GDAP1: variants seen among roughly 807,000 people sequenced by gnomAD.
The protein encoded by GDAP1 is ganglioside induced differentiation associated protein 1.
Under a neutral mutation model 40.1 loss-of-function variants are expected in GDAP1, and 34 were observed. The observed-to-expected ratio is 0.85, with a 90% CI of 0.64 to 1.13. The LOEUF (loss-of-function observed/expected upper bound fraction) is 1.13, where lower values mean the gene tolerates loss of function less well. GDAP1 is among the 50% of genes most tolerant of loss of function. The pLI is 0.00. For missense variants in GDAP1, 374 were observed against 433.7 expected, an observed-to-expected ratio of 0.86 and a Z score of 1.22; for synonymous variants, 170 against 157.4, an observed-to-expected ratio of 1.08 and a Z score of -0.60.
At chr8:74,362,784 C>CTTTTTTTTTT (rs1284434868) in intron 4 of GDAP1, among the ~76,000 whole-genome samples, 155 bp from the exon 5 acceptor site, 41 of 60,436 alleles carry the variant, frequency 6.8e-4, no homozygotes, top group East Asian at 1.3e-3. Context: ...CTCTCTCTCT[C>CTTTTTTTTTT]TTTTTTTTTT....
chr8:74,383,184 G>T (rs1277182305), intron 2 of GDAP1, among the ~76,000 whole-genome samples: 2 of 152,172 alleles, frequency 1.3e-5, no homozygotes, highest in Non-Finnish European at 2.9e-5. Flanking sequence ...TCCAAATTCA[G>T]ATCGACCTTT....
intron 2 of GDAP1, among the ~76,000 whole-genome samples, chr8:74,403,264 C>G (rs575136072): frequency 4.0e-5 from 6 of 150,130 alleles, no homozygotes; most frequent in Non-Finnish European, 8.8e-5. Flanking sequence ...GTATTGGAGT[C>G]TCCATCCTAC....
chr8:74,483,402 C>T (rs544351403), intron 2 of GDAP1, among the ~76,000 whole-genome samples: 2 of 151,800 alleles, frequency 1.3e-5, no homozygotes, highest in South Asian at 2.1e-4. Flanking sequence ...TGGCAAGAAC[C>T]GCTATTACTT....
At chr8:74,444,485 C>G (rs939893943) in intron 2 of GDAP1, among the ~76,000 whole-genome samples, 1 of 152,040 alleles carries the variant, frequency 6.6e-6, no homozygotes, top group African/African-American at 2.4e-5. Flanking sequence ...GAACCAATAC[C>G]AACAGCTGTG....
intron 2 of GDAP1, among the ~76,000 whole-genome samples, chr8:74,358,634 T>A (rs1424181439): frequency 2.0e-5 from 3 of 152,208 alleles, no homozygotes; most frequent in Non-Finnish European, 4.4e-5. Context: ...TACTGTACAC[T>A]TGAGAGAGAA....
chr8:74,389,489 T>C (rs1218744590), intron 2 of GDAP1, among the ~76,000 whole-genome samples: 2 of 152,058 alleles, frequency 1.3e-5, no homozygotes, highest in Non-Finnish European at 2.9e-5. Flanking sequence ...TCTTTAGGAG[T>C]GTTGAATATT....
At chr8:74,351,612 A>C in intron 2 of GDAP1, 146 bp downstream of exon 2, 2 of 755,594 alleles carry the variant, frequency 2.6e-6, no homozygotes, top group Admixed American at 3.6e-5. Flanking sequence ...TTCCATAAGC[A>C]CACAAATATC....
intron 2 of GDAP1, among the ~76,000 whole-genome samples, chr8:74,426,443 C>T (rs769063616): frequency 1.1e-4 from 17 of 152,228 alleles, no homozygotes; most frequent in South Asian, 6.2e-4. Context: ...GGATCCAGTC[C>T]GGGATACAAC....
At chr8:74,483,624 A>G (rs1021572998) in intron 2 of GDAP1, among the ~76,000 whole-genome samples, 1 of 152,176 alleles carries the variant, frequency 6.6e-6, no homozygotes, top group Non-Finnish European at 1.5e-5. Flanking sequence ...AAGAAACTCC[A>G]TACTCTCAGA....
At chr8:74,436,714 G>A (rs1285907084) in intron 2 of GDAP1, among the ~76,000 whole-genome samples, 1 of 152,048 alleles carries the variant, frequency 6.6e-6, no homozygotes, top group South Asian at 2.1e-4. Flanking sequence ...GAGCCACTGC[G>A]CCCGGCCACC....
intron 2 of GDAP1, among the ~76,000 whole-genome samples, chr8:74,464,337 G>A (rs538126450): frequency 6.6e-6 from 1 of 152,298 alleles, no homozygotes; most frequent in East Asian, 1.9e-4. Context: ...TAGCATTATA[G>A]CAGAGGGATC....
intron 2 of GDAP1, among the ~76,000 whole-genome samples, chr8:74,414,288 C>T (rs1431333563): frequency 6.7e-6 from 1 of 150,092 alleles, no homozygotes; most frequent in Non-Finnish European, 1.5e-5. Flanking sequence ...CAAGAAATCA[C>T]ATGGGAAAAT....
In GDAP1 at chr8:74,365,773, A is replaced by G. The variant is rs1021180702; in HGVS notation, c.*1406A>G. ...TTGTATTAGAAAACCTTGATGAACT[A>G]TATGTTCCCGATTTACAAAAAAATT... On this transcript the variant is annotated 3_prime_UTR_variant, in exon 6 of 6. Transcript: ENST00000220822. 8.8e-6 allele frequency: 4 copies of G among 454,158 alleles called. No individual in the cohort carries two copies. The highest frequency in any genetic ancestry group is 6.8e-4 in the Middle Eastern group (1 of 1,466). The allele number at this position is 454,158 out of a possible 1,614,324, so 28.1% of individuals were successfully genotyped here. A position where few individuals can be genotyped will look rare whatever the true frequency, so the allele number is the denominator to read the frequency against.
chr8:74,432,000 A>G (rs556896752), intron 2 of GDAP1, among the ~76,000 whole-genome samples: 11 of 152,214 alleles, frequency 7.2e-5, no homozygotes, highest in Non-Finnish European at 1.5e-4. Flanking sequence ...TATTTGGAGC[A>G]CATTTTGTCA....
intron 2 of GDAP1, among the ~76,000 whole-genome samples, chr8:74,423,828 C>T (rs139752154): frequency 6.6e-6 from 1 of 152,180 alleles, no homozygotes; most frequent in Non-Finnish European, 1.5e-5. Flanking sequence ...CCCTCCCCTC[C>T]TGAGAGAGGA....
At chr8:74,361,750 G>A (rs1809375383) in intron 3 of GDAP1, 134 bp from the exon 4 acceptor site, 5 of 691,130 alleles carry the variant, frequency 7.2e-6, no homozygotes, top group African/African-American at 1.8e-5. Context: ...CATAGACAGG[G>A]TAAGCCCAAG....
At chr8:74,392,250 G>T (rs1408008087) in intron 2 of GDAP1, among the ~76,000 whole-genome samples, 1 of 152,136 alleles carries the variant, frequency 6.6e-6, no homozygotes, top group Non-Finnish European at 1.5e-5. Flanking sequence ...TGAGGATTTA[G>T]ATTAAATGAT....
In GDAP1 at chr8:74,472,599, G is replaced by GT. The variant is rs539918052; in HGVS notation, c.166-16070dup. ...TTTCTCTGCAACCTCACCAGCATCT[G>GT]TTTTTTTTTGACTTTTTAATAATAG... On this transcript the variant is annotated intron_variant, in intron 2 of 2. Transcript: ENST00000523640. 7.1e-3 allele frequency among the ~76,000 whole-genome samples: 1,071 copies of GT among 150,440 alleles called. 11 individuals are homozygous for GT. Among genetic ancestry groups the GT allele is most frequent in the African/African-American group, 0.018 (746 of 41,008 alleles).
At position 74,446,912 on chromosome 8, in the gene GDAP1, G is replaced by C. The variant is rs182296284; in HGVS notation, c.166-41766G>C. On this transcript the variant is annotated intron_variant, in intron 2 of 2. Coordinates refer to the GDAP1 transcript ENST00000523640. ...GATTGCAAGGGGCTGGGGGAGGAGAGAGTGGGGAGTGACTATTATGGGTAC... is the reference window on the plus strand; with the variant it reads ...GATTGCAAGGGGCTGGGGGAGGAGACAGTGGGGAGTGACTATTATGGGTAC... Among the ~76,000 whole-genome samples, 9 of 152,254 alleles carry C rather than the reference G, an allele frequency of 5.9e-5. No individual in the cohort carries two copies. The East Asian group carries it at 1.3e-3, about 23-fold the overall frequency.
Sources: allele counts gnomAD v4.1 joint callset (sites outside exome capture counted in the v4.1 genomes callset), GRCh38; gene constraint gnomAD v4.1.1; transcripts MANE v1.5; gene names NCBI Gene and HGNC (gene_info 2026-07-23, HGNC 2026-07-21).